Variants in NFIA observed in about 807,000 individuals in gnomAD.
The protein encoded by NFIA is nuclear factor 1 A-type.
A neutral mutation model predicts 62.8 loss-of-function variants in NFIA; 8 were observed. The observed-to-expected ratio is 0.13, with a 90% CI of 0.07 to 0.23. The LOEUF is 0.23. Among genes scored for constraint, NFIA ranks in the 10% least tolerant of loss-of-function variants. NFIA has a pLI of 1.00. For missense variants in NFIA, 410 were observed against 642.1 expected, an observed-to-expected ratio of 0.64 and a Z score of 3.91; for synonymous variants, 235 against 238.1, an observed-to-expected ratio of 0.99 and a Z score of 0.12.
At chr1:61,224,908 A>G (rs1424233531) in intron 2 of NFIA, among the ~76,000 whole-genome samples, 2 of 152,224 alleles carry the variant, frequency 1.3e-5, no homozygotes, top group East Asian at 1.9e-4. Flanking sequence ...AGGTCATTTC[A>G]TGAGGCACTA....
intron 2 of NFIA, among the ~76,000 whole-genome samples, chr1:61,231,624 G>T (rs1179849209): frequency 6.6e-6 from 1 of 152,166 alleles, no homozygotes; most frequent in African/African-American, 2.4e-5. Flanking sequence ...TAAGAAGTTT[G>T]TATATAAGGT....
chr1:61,084,871 TC>T (rs749080433), intron 1 of NFIA, among the ~76,000 whole-genome samples: 52 of 152,146 alleles, frequency 3.4e-4, no homozygotes, highest in Non-Finnish European at 5.7e-4. Context: ...TCTTTTTTTT[TC>T]GGCTTACATA....
chr1:61,283,433 T>C (rs1249357843), intron 3 of NFIA, among the ~76,000 whole-genome samples: 1 of 146,618 alleles, frequency 6.8e-6, no homozygotes, highest in African/African-American at 2.5e-5. Flanking sequence ...AAAAAAAAAA[T>C]TAACCGGGCG....
At chr1:61,239,077 C>T (rs1557655487) in intron 2 of NFIA, among the ~76,000 whole-genome samples, 1 of 152,162 alleles carries the variant, frequency 6.6e-6, no homozygotes, top group Non-Finnish European at 1.5e-5. Context: ...CAATCCCAAT[C>T]TTGCTGTAAG....
chr1:61,398,991 G>C (rs1284812845), intron 7 of NFIA, among the ~76,000 whole-genome samples: 1 of 151,962 alleles, frequency 6.6e-6, no homozygotes, highest in African/African-American at 2.4e-5. Flanking sequence ...TTTTTAAGTG[G>C]GATTTTTTTC....
intron 2 of NFIA, among the ~76,000 whole-genome samples, chr1:61,183,934 C>T (rs1650933908): frequency 1.3e-5 from 2 of 151,926 alleles, no homozygotes; most frequent in East Asian, 1.9e-4. Flanking sequence ...AAAGAGAGGA[C>T]GTCCTGACAT....
At chr1:61,314,101 CTG>C (rs1163362995) in intron 3 of NFIA, among the ~76,000 whole-genome samples, 1 of 152,178 alleles carries the variant, frequency 6.6e-6, no homozygotes, top group African/African-American at 2.4e-5. Flanking sequence ...CACAAAAAAA[CTG>C]TGTCACTTTC....
chr1:61,140,965 GTTTTTTTTTTTTT>G (rs35173386), intron 2 of NFIA, among the ~76,000 whole-genome samples: 1 of 88,598 alleles, frequency 1.1e-5, no homozygotes, highest in Non-Finnish European at 2.1e-5. Context: ...CCACAGCTGG[GTTTTTTTTTTTTT>G]TTTTTTTTTT....
At chr1:61,251,421 G>C (rs201833228) in intron 2 of NFIA, 1 of 152,094 alleles carries the variant, frequency 6.6e-6, no homozygotes, top group Non-Finnish European at 1.5e-5. Context: ...GGAAAGTTAT[G>C]TATATATAAA....
chr1:61,103,671 T>G (rs965139127), intron 2 of NFIA, among the ~76,000 whole-genome samples: 4 of 152,128 alleles, frequency 2.6e-5, no homozygotes, highest in African/African-American at 9.7e-5. Context: ...AAACAAGAAC[T>G]TGAGAAGCTT....
At position 61,258,253 on chromosome 1, in the gene NFIA, T is replaced by G. The variant is rs550989373; in HGVS notation, c.560-19267T>G. Among the ~76,000 whole-genome samples, 6 of 152,314 alleles carry G rather than the reference T, an allele frequency of 3.9e-5. No homozygotes were observed. In the East Asian group the frequency reaches 1.2e-3, roughly 29 times the overall value. ...AAAAGAATTTAATTTTATCTGTGATTGTGTATACATCATGCCAAAGATAAA... is the reference window on the plus strand; with the variant it reads ...AAAAGAATTTAATTTTATCTGTGATGGTGTATACATCATGCCAAAGATAAA... On this transcript the variant is annotated intron_variant, in intron 2 of 10. Coordinates refer to ENST00000403491, the MANE Select transcript of NFIA (RefSeq NM_001134673.4).
intron 4 of NFIA, among the ~76,000 whole-genome samples, chr1:61,333,710 C>G (rs943019823): frequency 4.6e-5 from 7 of 152,154 alleles, no homozygotes; most frequent in Admixed American, 6.5e-5. Flanking sequence ...CAAAGTCAAA[C>G]AGTGAGGCCA....
intron 2 of NFIA, among the ~76,000 whole-genome samples, chr1:61,215,455 A>G (rs1473956971): frequency 1.3e-5 from 2 of 150,326 alleles, no homozygotes. Flanking sequence ...AGATATGTTT[A>G]GAACTAGTTA....
intron 8 of NFIA, among the ~76,000 whole-genome samples, chr1:61,405,143 G>A (rs149953704): frequency 1.1e-4 from 16 of 152,102 alleles, no homozygotes; most frequent in African/African-American, 2.4e-4. Context: ...TCCTGTCACC[G>A]ATTTTTTTCA....
At chr1:61,154,911 AG>A (rs1276940382) in intron 2 of NFIA, among the ~76,000 whole-genome samples, 1 of 152,256 alleles carries the variant, frequency 6.6e-6, no homozygotes, top group Admixed American at 6.5e-5. Flanking sequence ...TAACCAGGTT[AG>A]ATATAATTTA....
At chr1:61,221,365 T>G (rs961059408) in intron 2 of NFIA, among the ~76,000 whole-genome samples, 3 of 152,100 alleles carry the variant, frequency 2.0e-5, no homozygotes, top group Non-Finnish European at 4.4e-5. Flanking sequence ...GAAAGATAAT[T>G]TGCAGCAGTT....
At chr1:61,402,355 T>C (rs1361071761) in intron 7 of NFIA, among the ~76,000 whole-genome samples, 1 of 152,174 alleles carries the variant, frequency 6.6e-6, no homozygotes, top group Non-Finnish European at 1.5e-5. Context: ...CCGATTTTTC[T>C]AAAAGCTCCC....
At chr1:61,119,384 A>G (rs1004899833) in intron 2 of NFIA, among the ~76,000 whole-genome samples, 1 of 152,254 alleles carries the variant, frequency 6.6e-6, no homozygotes, top group African/African-American at 2.4e-5. Flanking sequence ...ATACACTTTT[A>G]GAAATAGCTC....
At chr1:61,267,101 G>T (rs1456625906) in intron 2 of NFIA, among the ~76,000 whole-genome samples, 1 of 152,050 alleles carries the variant, frequency 6.6e-6, no homozygotes, top group Non-Finnish European at 1.5e-5. Context: ...AGCTACTTCT[G>T]GTAGAACTGT....
Sources: allele counts gnomAD v4.1 joint callset (sites outside exome capture counted in the v4.1 genomes callset), GRCh38; gene constraint gnomAD v4.1.1; transcripts MANE v1.5; gene names NCBI Gene and HGNC (gene_info 2026-07-23, HGNC 2026-07-21).